Variants in IL1RAPL2 observed in about 807,000 individuals in gnomAD.
IL1RAPL2 encodes the protein X-linked interleukin-1 receptor accessory protein-like 2.
A neutral mutation model predicts 44.1 loss-of-function variants in IL1RAPL2; 3 were observed. The ratio of observed to expected loss-of-function variants is 0.07; its 90% CI spans 0.03 to 0.18. The LOEUF is 0.18. Ranked by LOEUF, IL1RAPL2 falls within the 10% of genes least tolerant of loss-of-function variation. The pLI is 1.00. For missense variants in IL1RAPL2, 391 were observed against 496.4 expected (o/e 0.79, Z 2.02); for synonymous variants, 181 against 178.8 (o/e 1.01, Z -0.10).
intron 1 of IL1RAPL2, among the ~76,000 whole-genome samples, chrX:104,636,491 C>G (rs766157396): frequency 8.9e-6 from 1 of 112,191 alleles, no homozygotes; most frequent in Non-Finnish European, 1.9e-5. Context: ...TGGACTCCAC[C>G]CAGTTCAAGC....
intron 2 of IL1RAPL2, among the ~76,000 whole-genome samples, chrX:104,848,383 A>G (rs1345002408): frequency 8.1e-5 from 8 of 98,270 alleles, no homozygotes; most frequent in African/African-American, 2.9e-4. Flanking sequence ...AGTTTTTTAT[A>G]CAAATTTTTA....
At chrX:105,384,859 G>T (rs1048667987) in intron 5 of IL1RAPL2, among the ~76,000 whole-genome samples, 1 of 110,724 alleles carries the variant, frequency 9.0e-6, no homozygotes, top group African/African-American at 3.3e-5. Context: ...TAATTATTTT[G>T]TAGCTATTGT....
intron 2 of IL1RAPL2, among the ~76,000 whole-genome samples, chrX:105,078,593 A>G (rs2032349308): frequency 1.8e-5 from 2 of 112,232 alleles, no homozygotes; most frequent in Admixed American, 9.4e-5. Flanking sequence ...TGCAGACGTT[A>G]TTGCTGTCTT....
chrX:104,623,218 T>C (rs1217513792), intron 1 of IL1RAPL2, among the ~76,000 whole-genome samples: 2 of 111,029 alleles, frequency 1.8e-5, no homozygotes, highest in East Asian at 2.8e-4. Flanking sequence ...TTTGTACTTA[T>C]CTAGGTTAAA....
chrX:105,100,873 T>C (rs1189978860), intron 2 of IL1RAPL2, among the ~76,000 whole-genome samples: 1 of 112,388 alleles, frequency 8.9e-6, no homozygotes, highest in Non-Finnish European at 1.9e-5. Flanking sequence ...TAAGATTCTG[T>C]GAAGTTTAAC....
intron 6 of IL1RAPL2, among the ~76,000 whole-genome samples, chrX:105,515,656 G>GC (rs2036507753): frequency 9.0e-6 from 1 of 111,536 alleles, no homozygotes; most frequent in South Asian, 3.7e-4. Flanking sequence ...TCTGAGCTGG[G>GC]CTCCTAATAT....
intron 2 of IL1RAPL2, among the ~76,000 whole-genome samples, chrX:104,778,479 G>C (rs1932752677): frequency 1.8e-5 from 2 of 108,257 alleles, no homozygotes; most frequent in Admixed American, 1.0e-4. Flanking sequence ...AGGATCGCTT[G>C]AGTCTGGGAT....
chrX:104,850,973 C>T lies in IL1RAPL2; in HGVS notation c.82+191978C>T, dbSNP rs1217535674. Among the ~76,000 whole-genome samples, 3 of 111,142 alleles carry T rather than the reference C, an allele frequency of 2.7e-5. No homozygotes were observed. In the East Asian group the frequency reaches 8.5e-4, roughly 32 times the overall value. On this transcript the variant is annotated intron_variant, in intron 2 of 10. Coordinates refer to ENST00000372582, the MANE Select transcript of IL1RAPL2 (RefSeq NM_017416.2). Reference sequence around the variant, plus strand: ...CTATAAATTTTGAATGTATAGTTGTCTAGAATTCCAGAGGGCTTGGCATGC... The same window carrying T: ...CTATAAATTTTGAATGTATAGTTGTTTAGAATTCCAGAGGGCTTGGCATGC...
chrX:105,243,603 ATAT>A (rs1382799043), intron 4 of IL1RAPL2, among the ~76,000 whole-genome samples: 35 of 86,688 alleles, frequency 4.0e-4, no homozygotes, highest in Middle Eastern at 5.7e-3. Flanking sequence ...ATATATATAT[ATAT>A]TTTTTTTTTA....
intron 2 of IL1RAPL2, among the ~76,000 whole-genome samples, chrX:104,833,299 C>A (rs1375326993): frequency 9.0e-6 from 1 of 111,414 alleles, no homozygotes; most frequent in African/African-American, 3.3e-5. Context: ...ACCACTCTGC[C>A]TGGCTAATTT....
chrX:105,099,762 G>A (rs190248135), intron 2 of IL1RAPL2, among the ~76,000 whole-genome samples: 2,224 of 109,752 alleles, frequency 0.02, 72 homozygotes, highest in African/African-American at 0.07. Flanking sequence ...CACCGCGCCC[G>A]GCCGCCACAC....
At position 105,420,807 on chromosome X, in the gene IL1RAPL2, A is replaced by G. The variant is rs750538388; in HGVS notation, c.698-63506A>G. 8.1e-5 allele frequency among the ~76,000 whole-genome samples: 9 copies of G among 111,191 alleles called. No individual in the cohort carries two copies. In the South Asian group the frequency reaches 3.5e-3, roughly 43 times the overall value. On this transcript the variant is annotated intron_variant, in intron 5 of 10. Transcript: ENST00000372582. ...TTTGACTGACAAGCCCCACTAGCCTATTTACAGGTATCAGGGTTACAGTTG... is the reference window on the plus strand; with the variant it reads ...TTTGACTGACAAGCCCCACTAGCCTGTTTACAGGTATCAGGGTTACAGTTG...
At chrX:104,904,300 T>A (rs931701653) in intron 2 of IL1RAPL2, among the ~76,000 whole-genome samples, 2 of 110,119 alleles carry the variant, frequency 1.8e-5, no homozygotes, top group African/African-American at 6.6e-5. Context: ...TTTAAATTAT[T>A]CTTTTTTTCT....
At chrX:104,629,321 A>G (rs916546702) in intron 1 of IL1RAPL2, among the ~76,000 whole-genome samples, 1 of 111,522 alleles carries the variant, frequency 9.0e-6, no homozygotes, top group African/African-American at 3.3e-5. Flanking sequence ...GGCTATTTGT[A>G]TGTCTTCTTT....
At chrX:104,872,877 A>G (rs183912838) in intron 2 of IL1RAPL2, among the ~76,000 whole-genome samples, 2 of 111,670 alleles carry the variant, frequency 1.8e-5, no homozygotes, top group Admixed American at 1.9e-4. Flanking sequence ...ATAAATAAAA[A>G]GTATAAAATA....
chrX:104,674,706 G>A (rs1217367939), intron 2 of IL1RAPL2, among the ~76,000 whole-genome samples: 21 of 109,537 alleles, frequency 1.9e-4, no homozygotes, highest in African/African-American at 6.0e-4. Context: ...GGTAGAATTC[G>A]GCTGTGAATC....
chrX:104,643,893 G>A (rs746765975), intron 1 of IL1RAPL2, among the ~76,000 whole-genome samples: 1 of 111,292 alleles, frequency 9.0e-6, no homozygotes, highest in Non-Finnish European at 1.9e-5. Context: ...CTAAGCCTCC[G>A]TTTCTCTGTA....
In IL1RAPL2 at chrX:104,708,880, C is replaced by A. The variant is rs146578603; in HGVS notation, c.82+49885C>A. ...TCTAGAACACTCCTGGGCTGCTTTT[C>A]TGATTGGTAGGTGCTTGGGGAATAC... On this transcript the variant is annotated intron_variant, in intron 2 of 10. Coordinates refer to ENST00000372582, the MANE Select transcript of IL1RAPL2 (RefSeq NM_017416.2). Among the ~76,000 whole-genome samples the A allele has an allele frequency of 7.4e-3, 815 of 110,878 alleles. 7 individuals carry two copies. Among genetic ancestry groups the A allele is most frequent in the Non-Finnish European group, 0.011 (560 of 52,721 alleles).
chrX:105,479,697 C>T (rs1390706756), intron 5 of IL1RAPL2, among the ~76,000 whole-genome samples: 2 of 109,057 alleles, frequency 1.8e-5, no homozygotes, highest in African/African-American at 6.7e-5. Flanking sequence ...TGAGATTCTG[C>T]CATTGCACTC....
Sources: allele counts gnomAD v4.1 joint callset (sites outside exome capture counted in the v4.1 genomes callset), GRCh38; gene constraint gnomAD v4.1.1; transcripts MANE v1.5; gene names NCBI Gene and HGNC (gene_info 2026-07-23, HGNC 2026-07-21).